The following CADPS2 variants were observed in gnomAD, a reference collection of about 807,000 sequenced individuals.
CADPS2 encodes calcium dependent secretion activator 2, also known as calcium-dependent secretion activator 2.
Under a neutral mutation model 172.5 loss-of-function variants are expected in CADPS2, and 93 were observed. The observed-to-expected ratio is 0.54, with a 90% confidence interval of 0.46 to 0.64. CADPS2 has a LOEUF of 0.64. CADPS2 is among the 30% of genes least tolerant of loss of function. The pLI, the probability that CADPS2 is intolerant of heterozygous loss-of-function variation, is 0.00. For missense variants in CADPS2, 1,420 were observed against 1,565.9 expected, an observed-to-expected ratio of 0.91 and a Z score of 1.57; for synonymous variants, 546 against 555.2, an observed-to-expected ratio of 0.98 and a Z score of 0.23.
intron 1 of CADPS2, among the ~76,000 whole-genome samples, chr7:122,770,076 C>T (rs910761196): frequency 6.6e-6 from 1 of 152,072 alleles, no homozygotes; most frequent in African/African-American, 2.4e-5. Flanking sequence ...TAAGCAACTC[C>T]CAAGAACATC....
intron 6 of CADPS2, among the ~76,000 whole-genome samples, chr7:122,590,059 G>A (rs2070519740): frequency 1.3e-5 from 2 of 151,696 alleles, no homozygotes; most frequent in Admixed American, 6.6e-5. Context: ...GTGGTTCAAC[G>A]TGAATTCCAT....
intron 1 of CADPS2, among the ~76,000 whole-genome samples, chr7:122,854,848 A>G (rs1441528416): frequency 1.3e-5 from 2 of 152,246 alleles, no homozygotes; most frequent in African/African-American, 4.8e-5. Context: ...TATAGGTATT[A>G]GATACTACTT....
At chr7:122,543,053 G>A (rs2063261758) in intron 8 of CADPS2, among the ~76,000 whole-genome samples, 1 of 151,700 alleles carries the variant, frequency 6.6e-6, no homozygotes, top group Non-Finnish European at 1.5e-5. Context: ...ACTCAAGGAA[G>A]AATAAAGTAA....
intron 7 of CADPS2, among the ~76,000 whole-genome samples, chr7:122,563,325 T>A (rs888326363): frequency 6.6e-6 from 1 of 152,172 alleles, no homozygotes; most frequent in African/African-American, 2.4e-5. Context: ...AGTAGCTTTA[T>A]CATTTTTCTT....
At chr7:122,561,377 G>T (rs2065756500) in intron 7 of CADPS2, among the ~76,000 whole-genome samples, 1 of 151,790 alleles carries the variant, frequency 6.6e-6, no homozygotes, top group African/African-American at 2.4e-5. Flanking sequence ...AAAACAAAAT[G>T]GGGTAGAAGA....
chr7:122,823,616 C>A (rs1223286339), intron 1 of CADPS2, among the ~76,000 whole-genome samples: 1 of 152,120 alleles, frequency 6.6e-6, no homozygotes, highest in East Asian at 1.9e-4. Flanking sequence ...TCTTGCCTGT[C>A]CGTAGACTTT....
In CADPS2 at chr7:122,419,030, C is replaced by T. The variant is rs114927952; in HGVS notation, c.2477-2866G>A. On this transcript the variant is annotated intron_variant, in intron 17 of 29. Transcript: ENST00000449022. The stretch of plus-strand genomic sequence containing the variant: ...GAGTTCTGGGTCTGAATGAGTTGCT[C>T]CTTTCTCTGAGCTCCCCTATTACAG... Among the ~76,000 whole-genome samples, 719 of 152,214 alleles carry T rather than the reference C, an allele frequency of 4.7e-3. 8 individuals carry two copies. The highest frequency in any genetic ancestry group is 0.017 in the African/African-American group (688 of 41,544).
At chr7:122,583,744 AAC>A (rs1056176879) in intron 6 of CADPS2, among the ~76,000 whole-genome samples, 6 of 151,308 alleles carry the variant, frequency 4.0e-5, no homozygotes, top group African/African-American at 1.5e-4. Flanking sequence ...CAGACATCCT[AAC>A]ACACATACAT....
At chr7:122,612,157 C>G (rs2074375148) in intron 6 of CADPS2, among the ~76,000 whole-genome samples, 1 of 151,924 alleles carries the variant, frequency 6.6e-6, no homozygotes, top group Admixed American at 6.6e-5. Flanking sequence ...ACAACACCAA[C>G]ATGCCTTTTC....
intron 2 of CADPS2, among the ~76,000 whole-genome samples, chr7:122,668,668 T>TGA (rs763181007): frequency 5.1e-4 from 77 of 152,172 alleles, no homozygotes; most frequent in Non-Finnish European, 7.9e-4. Context: ...CATCTCATCA[T>TGA]GAGAGAGAGA....
intron 5 of CADPS2, among the ~76,000 whole-genome samples, chr7:122,617,557 T>C (rs1481135387): frequency 1.3e-5 from 2 of 152,150 alleles, no homozygotes; most frequent in Non-Finnish European, 2.9e-5. Flanking sequence ...GAGAGGCATG[T>C]ATAAAATGTG....
chr7:122,320,371 C>T (rs1460232258), intron 29 of CADPS2, 33 bp from the exon 30 acceptor site: 6 of 1,558,964 alleles, frequency 3.8e-6, no homozygotes, highest in Non-Finnish European at 5.2e-6. Flanking sequence ...GCTTAGCTCA[C>T]TTAGATTATA....
chr7:122,607,481 G>A (rs750778883), intron 6 of CADPS2, among the ~76,000 whole-genome samples: 35 of 152,126 alleles, frequency 2.3e-4, no homozygotes, highest in Admixed American at 1.5e-3. Flanking sequence ...AGACTTTTCC[G>A]AAAAAACTGT....
chr7:122,347,622 A>G (rs1184836898), intron 27 of CADPS2, among the ~76,000 whole-genome samples: 1 of 152,134 alleles, frequency 6.6e-6, no homozygotes, highest in African/African-American at 2.4e-5. Flanking sequence ...TCTATTTTCA[A>G]CCTAATGGAG....
intron 3 of CADPS2, among the ~76,000 whole-genome samples, chr7:122,635,988 G>T (rs1231024421): frequency 4.6e-5 from 7 of 152,088 alleles, no homozygotes; most frequent in Non-Finnish European, 8.8e-5. Context: ...AGCCTGTGGT[G>T]TCATTACACG....
At chr7:122,613,533 T>C (rs1455666082) in intron 6 of CADPS2, among the ~76,000 whole-genome samples, 1 of 152,144 alleles carries the variant, frequency 6.6e-6, no homozygotes, top group Admixed American at 6.6e-5. Flanking sequence ...TCTCAGAATG[T>C]ATCCCTGCTG....
At chr7:122,714,470 TATC>T (rs918730169) in intron 2 of CADPS2, among the ~76,000 whole-genome samples, 2 of 152,096 alleles carry the variant, frequency 1.3e-5, no homozygotes, top group Non-Finnish European at 2.9e-5. Context: ...AATGTTTTAC[TATC>T]ATCATTTTTT....
At chr7:122,784,973 A>C (rs1317287056) in intron 1 of CADPS2, among the ~76,000 whole-genome samples, 1 of 152,170 alleles carries the variant, frequency 6.6e-6, no homozygotes, top group Non-Finnish European at 1.5e-5. Flanking sequence ...CCCTGGAATC[A>C]AATCTCCAAG....
At chr7:122,699,003 A>G in intron 2 of CADPS2, 2 of 969,266 alleles carry the variant, frequency 2.1e-6, no homozygotes, top group East Asian at 5.1e-5. Flanking sequence ...AGAGAAAAAA[A>G]TCTTCAGGAT....
Sources: allele counts gnomAD v4.1 joint callset (sites outside exome capture counted in the v4.1 genomes callset), GRCh38; gene constraint gnomAD v4.1.1; transcripts MANE v1.5; gene names NCBI Gene and HGNC (gene_info 2026-07-23, HGNC 2026-07-21).